CHD1L: variants seen among roughly 807,000 people sequenced by gnomAD.
CHD1L encodes the protein ATP-dependent chromatin remodeler CHD1L.
In CHD1L, 118 loss-of-function variants were observed where a neutral mutation model predicts 115.9. That is an observed-to-expected ratio of 1.02 (90% confidence interval 0.88 to 1.19). The LOEUF (loss-of-function observed/expected upper bound fraction) is 1.19, where lower values mean the gene tolerates loss of function less well. Ranked by LOEUF, CHD1L falls within the 50% of genes most tolerant of loss-of-function variation. CHD1L has a pLI of 0.00. For missense variants in CHD1L, 1,179 were observed against 1,065.3 expected, an observed-to-expected ratio of 1.11 and a Z score of -1.49; for synonymous variants, 411 against 387.1, an observed-to-expected ratio of 1.06 and a Z score of -0.72.
chr1:147,243,279 T>C (rs928940120), intron 1 of CHD1L, among the ~76,000 whole-genome samples: 13 of 152,138 alleles, frequency 8.5e-5, no homozygotes, highest in Non-Finnish European at 2.9e-5. Context: ...CCGTTTACTG[T>C]GCGCGCGCAG....
At chr1:147,234,756 A>G in the CHD1L span, among the ~76,000 whole-genome samples, 1 of 152,374 alleles carries the variant, frequency 6.6e-6, no homozygotes, top group East Asian at 1.9e-4. Context: ...ATTATATTTA[A>G]TGAGATGAAT....
At chr1:147,248,721 G>A (rs1667418298) in intron 1 of CHD1L, among the ~76,000 whole-genome samples, 1 of 151,904 alleles carries the variant, frequency 6.6e-6, no homozygotes, top group Non-Finnish European at 1.5e-5. Flanking sequence ...TAGCTTTTTA[G>A]TGGTCGTTAC....
the CHD1L span, chr1:147,225,131 G>A: frequency 6.3e-7 from 1 of 1,582,320 alleles, no homozygotes; most frequent in South Asian, 1.1e-5. Flanking sequence ...GAAGACCTTG[G>A]CCGTGGCATT....
At chr1:147,234,372 C>T in the CHD1L span, among the ~76,000 whole-genome samples, 1 of 152,288 alleles carries the variant, frequency 6.6e-6, no homozygotes, top group East Asian at 1.9e-4. Context: ...CATTCTATGC[C>T]TGCTATGTGC....
the CHD1L span, chr1:147,208,687 C>T: frequency 1.8e-6 from 1 of 552,386 alleles, no homozygotes; most frequent in African/African-American, 1.9e-5. Flanking sequence ...GATCCACCCG[C>T]CTCCGCCTCC....
the CHD1L span, chr1:147,209,851 C>T: frequency 6.6e-6 from 1 of 152,150 alleles, no homozygotes; most frequent in African/African-American, 2.4e-5. Flanking sequence ...ATCTAAAACC[C>T]TCATTCTTTT....
At chr1:147,244,935 C>T (rs1364105242) in intron 1 of CHD1L, among the ~76,000 whole-genome samples, 10 of 152,164 alleles carry the variant, frequency 6.6e-5, no homozygotes, top group African/African-American at 2.4e-4. Context: ...TCTCTATACT[C>T]TCAGCAACAC....
At chr1:147,244,011 T>A (rs1305635606) in intron 1 of CHD1L, among the ~76,000 whole-genome samples, 3 of 152,190 alleles carry the variant, frequency 2.0e-5, no homozygotes, top group African/African-American at 7.2e-5. Flanking sequence ...TCTGTAAGAA[T>A]GTGTGGCTGT....
chr1:147,275,960 A>G (rs1678278150), intron 13 of CHD1L, 144 bp from the exon 14 acceptor site: 1 of 764,852 alleles, frequency 1.3e-6, no homozygotes, highest in Non-Finnish European at 2.1e-6. Flanking sequence ...ACAAGTGCTC[A>G]GGACCAAATG....
At chr1:147,268,268 T>C (rs781948552) in intron 9 of CHD1L, among the ~76,000 whole-genome samples, 8 of 152,144 alleles carry the variant, frequency 5.3e-5, no homozygotes, top group Admixed American at 1.3e-4. Flanking sequence ...ATTCCCTGAT[T>C]GGTAACCCTT....
chr1:147,272,085 G>T, intron 11 of CHD1L, 86 bp from the exon 12 acceptor site: 1 of 1,058,088 alleles, frequency 9.5e-7, no homozygotes. Context: ...GGACAAAATT[G>T]GCCTTTGGTT....
Position 147,280,089 on chromosome 1 carries a change from G to A in CHD1L, c.1603G>A (p.Glu535Lys). 2 of 1,614,124 alleles carry A rather than the reference G, an allele frequency of 1.2e-6. No individual in the cohort carries two copies. The highest frequency in any genetic ancestry group is 1.7e-6 in the Non-Finnish European group (2 of 1,180,004). The change falls in exon 15 of 23, where the codon GAA becomes AAA. Residue 535 changes from glutamate to lysine, a missense_variant. Glu to Lys is a moderately conservative substitution (Grantham distance 56). Coordinates refer to ENST00000369258, the MANE Select transcript of CHD1L (RefSeq NM_004284.6). ...LLASEGSTMD[E>K]IDLESILGET... ...GGCCTCTGAGGGGAGCACCATGGAT[G>A]AAATAGACCTGGAGTCCATCCTGGG...
At chr1:147,193,354 T>C in the CHD1L span, among the ~76,000 whole-genome samples, 1 of 152,170 alleles carries the variant, frequency 6.6e-6, no homozygotes, top group Non-Finnish European at 1.5e-5. Flanking sequence ...TCGGTGGTGA[T>C]ATCCCCTTTA....
At chr1:147,205,297 T>C in the CHD1L span, among the ~76,000 whole-genome samples, 33 of 152,242 alleles carry the variant, frequency 2.2e-4, no homozygotes, top group African/African-American at 7.9e-4. Flanking sequence ...CGGGAAAAAA[T>C]ATCTTTATAG....
At chr1:147,276,692 G>GA (rs1250188532) in intron 14 of CHD1L, among the ~76,000 whole-genome samples, 1 of 152,136 alleles carries the variant, frequency 6.6e-6, no homozygotes, top group Non-Finnish European at 1.5e-5. Context: ...TTGTGCCTTA[G>GA]AAAAAATGGG....
upstream of CHD1L, among the ~76,000 whole-genome samples, chr1:147,239,451 G>C (rs1664701274): frequency 1.3e-5 from 2 of 152,064 alleles, no homozygotes; most frequent in Admixed American, 1.3e-4. Context: ...TCTCCCAGAT[G>C]CTCAATCAGT....
the CHD1L span, chr1:147,204,977 C>T: frequency 1.7e-6 from 2 of 1,145,532 alleles, no homozygotes. Flanking sequence ...CAGAAGACCG[C>T]GGAGGAACCA....
At chr1:147,196,608 A>G in the CHD1L span, among the ~76,000 whole-genome samples, 1 of 152,090 alleles carries the variant, frequency 6.6e-6, no homozygotes, top group South Asian at 2.1e-4. Context: ...AAATTAAAAA[A>G]TTTTAAAAAG....
chr1:147,223,882 G>T, the CHD1L span: 5 of 346,326 alleles, frequency 1.4e-5, no homozygotes, highest in Non-Finnish European at 2.8e-5. Flanking sequence ...AACAAGAGAA[G>T]AAGCAGAGAC....
Sources: allele counts gnomAD v4.1 joint callset (sites outside exome capture counted in the v4.1 genomes callset), GRCh38; gene constraint gnomAD v4.1.1; transcripts MANE v1.5; gene names NCBI Gene and HGNC (gene_info 2026-07-23, HGNC 2026-07-21).